Variants in PLEKHH2 observed in about 807,000 individuals in gnomAD.
The protein encoded by PLEKHH2 is pleckstrin homology domain-containing family H member 2.
In PLEKHH2, 129 loss-of-function variants were observed where a neutral mutation model predicts 187.9. That is an observed-to-expected ratio of 0.69 (90% CI 0.59 to 0.79). The LOEUF (loss-of-function observed/expected upper bound fraction) is 0.79. Ranked by LOEUF, PLEKHH2 falls within the 30% of genes least tolerant of loss-of-function variation. The pLI is 0.00. For missense variants in PLEKHH2, 2,076 were observed against 1,751.2 expected, an observed-to-expected ratio of 1.19 and a Z score of -3.31; for synonymous variants, 686 against 605.6, an observed-to-expected ratio of 1.13 and a Z score of -1.95.
At chr2:43,687,797 TTTAA>T (rs1237531772) in intron 3 of PLEKHH2, among the ~76,000 whole-genome samples, 1 of 152,170 alleles carries the variant, frequency 6.6e-6, no homozygotes. Context: ...TTTTGTTTTA[TTTAA>T]TTATTTTTTT....
intron 2 of PLEKHH2, among the ~76,000 whole-genome samples, chr2:43,645,211 TGAC>T (rs1666127850): frequency 6.6e-6 from 1 of 152,184 alleles, no homozygotes; most frequent in South Asian, 2.1e-4. Flanking sequence ...GAATCTGTGT[TGAC>T]TAAGTATATA....
chr2:43,692,943 T>G (rs191901127), intron 4 of PLEKHH2, among the ~76,000 whole-genome samples: 296 of 152,312 alleles, frequency 1.9e-3, no homozygotes, highest in Admixed American at 7.3e-3. Context: ...AGACAGAGTC[T>G]TGCTCTGTCA....
Position 43,698,704 on chromosome 2 carries a change from G to C in PLEKHH2, c.689-943G>C, listed in dbSNP as rs116714637. Among the ~76,000 whole-genome samples, 638 of 152,170 alleles carry C rather than the reference G, an allele frequency of 4.2e-3. 4 individuals carry two copies. The highest frequency in any genetic ancestry group is 0.015 in the African/African-American group (617 of 41,508). The stretch of plus-strand genomic sequence containing the variant: ...CCGAATTTTAGAGTTTATTTGTTCA[G>C]CCTCTAGTTCCTTAATTATGAAGGT... On this transcript the variant is annotated intron_variant, in intron 7 of 29. Transcript: ENST00000282406.
chr2:43,710,363 A>G (rs765948031), intron 13 of PLEKHH2, 33 bp downstream of exon 13: 4 of 1,601,376 alleles, frequency 2.5e-6, no homozygotes, highest in African/African-American at 2.7e-5. Context: ...TTAGAACGTA[A>G]TTCCTCAAAC....
Position 43,765,524 on chromosome 2 carries a change from C to T in PLEKHH2, c.4408C>T (p.Pro1470Ser). 1 of 1,614,032 alleles carries T rather than the reference C, an allele frequency of 6.2e-7. No individual in the cohort carries two copies. Among genetic ancestry groups the T allele is most frequent in the Non-Finnish European group, 8.5e-7 (1 of 1,180,004 alleles). ...PALLSAQTRG[P>S]QARMMGSQPL... is the part of the protein sequence containing the mutation. ...ACTGCTCTCAGCCCAGACCCGGGGA[C>T]CCCAAGCCAGAATGATGGGAAGCCA... The change falls in exon 30 of 30, where the codon CCC becomes TCC. Residue 1470 changes from proline (P) to serine (S), a missense_variant. By Grantham distance (74) the Pro-to-Ser change is moderately conservative (BLOSUM62 -1). Transcript: ENST00000282406.
intron 3 of PLEKHH2, among the ~76,000 whole-genome samples, chr2:43,690,185 C>G (rs1403762010): frequency 6.6e-6 from 1 of 152,204 alleles, no homozygotes; most frequent in East Asian, 1.9e-4. Flanking sequence ...GCTGTCTGTC[C>G]TGCTTGGGCA....
In PLEKHH2 at chr2:43,709,987, T is replaced by C. The variant is rs1306516892; in HGVS notation, c.1967-3T>C. ...GACTTGATTTCTTTCTTTGTTCTCT[T>C]AGGTGTGTCTCTCTCCTCTGTGGCT... is the stretch of plus-strand genomic sequence containing the variant. On this transcript the variant is annotated splice_region_variant and splice_polypyrimidine_tract_variant and intron_variant, in intron 11 of 29. Coordinates refer to ENST00000282406, the MANE Select transcript of PLEKHH2 (RefSeq NM_172069.4). 3.1e-6 allele frequency: 5 copies of C among 1,603,138 alleles called. No individual in the cohort carries two copies. Among genetic ancestry groups the C allele is most frequent in the Admixed American group, 3.5e-5 (2 of 56,574 alleles).
intron 9 of PLEKHH2, among the ~76,000 whole-genome samples, chr2:43,705,976 T>C (rs1669637240): frequency 6.6e-6 from 1 of 152,226 alleles, no homozygotes. Context: ...TCCTATGTAC[T>C]GCTTACTGAA....
chr2:43,655,869 C>G (rs1666732345), intron 2 of PLEKHH2, among the ~76,000 whole-genome samples: 1 of 152,156 alleles, frequency 6.6e-6, no homozygotes, highest in Non-Finnish European at 1.5e-5. Context: ...AAAAAATACA[C>G]ATTCTTTGTT....
At chr2:43,669,335 G>T (rs1370514082) in intron 2 of PLEKHH2, among the ~76,000 whole-genome samples, 1 of 152,188 alleles carries the variant, frequency 6.6e-6, no homozygotes, top group African/African-American at 2.4e-5. Flanking sequence ...CTGCCAATGG[G>T]TACAGGGTTT....
rs1672677258 is a variant in PLEKHH2, at chr2:43,767,940, C to T, written c.*2342C>T. 2 of 152,650 alleles carry T rather than the reference C, an allele frequency of 1.3e-5. No homozygotes were observed. The highest frequency in any genetic ancestry group is 2.9e-5 in the Non-Finnish European group (2 of 68,026). 9.5% of individuals were successfully genotyped at this position (152,650 alleles called of 1,614,324 possible). A position where few individuals can be genotyped will look rare whatever the true frequency, so the allele number is the denominator to read the frequency against. ...CATGTTTAATTGTAATATTTGTCTCCTATCATTTTCTTCCCTTTCAGTCAT... is the reference window on the plus strand; with the variant it reads ...CATGTTTAATTGTAATATTTGTCTCTTATCATTTTCTTCCCTTTCAGTCAT... On this transcript the variant is annotated 3_prime_UTR_variant, in exon 30 of 30. Transcript: ENST00000282406.
intron 6 of PLEKHH2, 97 bp from the exon 7 acceptor site, chr2:43,697,074 A>G: frequency 9.9e-7 from 1 of 1,007,004 alleles, no homozygotes. Context: ...TTTCTGGCAT[A>G]AAGAGTGATT....
chr2:43,741,761 C>A (rs1339477120), intron 21 of PLEKHH2, among the ~76,000 whole-genome samples: 24 of 152,188 alleles, frequency 1.6e-4, no homozygotes, highest in Admixed American at 1.6e-3. Flanking sequence ...GTTGCAGTCA[C>A]TGAGGAGCCC....
intron 1 of PLEKHH2, among the ~76,000 whole-genome samples, chr2:43,640,635 C>G (rs532387390): frequency 3.3e-5 from 5 of 152,278 alleles, no homozygotes; most frequent in African/African-American, 9.6e-5. Context: ...TTAGAACATC[C>G]TATTTGATGT....
chr2:43,678,303 G>A (rs889370681), intron 2 of PLEKHH2, among the ~76,000 whole-genome samples: 41 of 152,050 alleles, frequency 2.7e-4, no homozygotes, highest in African/African-American at 5.3e-4. Context: ...CTTCCCAGAC[G>A]GGGTGGCGGC....
At chr2:43,684,877 C>G (rs72870496) in intron 3 of PLEKHH2, among the ~76,000 whole-genome samples, 1,569 of 150,330 alleles carry the variant, frequency 0.01, 34 homozygotes, top group African/African-American at 0.037. Context: ...CATGTGTTAG[C>G]AAAACCTGTA....
At chr2:43,763,424 A>T (rs929225934) in intron 28 of PLEKHH2, among the ~76,000 whole-genome samples, 2 of 148,124 alleles carry the variant, frequency 1.4e-5, no homozygotes, top group Non-Finnish European at 3.0e-5. Context: ...TTATTGATTT[A>T]TTGATTTTTT....
chr2:43,714,207 G>C (rs532491310), intron 15 of PLEKHH2, among the ~76,000 whole-genome samples: 22 of 152,240 alleles, frequency 1.4e-4, no homozygotes, highest in Middle Eastern at 3.4e-3. Context: ...CCACAATTAG[G>C]ATTTTGTTTG....
At chr2:43,714,979 G>A (rs750581020) in intron 15 of PLEKHH2, among the ~76,000 whole-genome samples, 16 of 152,086 alleles carry the variant, frequency 1.1e-4, no homozygotes, top group African/African-American at 3.1e-4. Context: ...AGGAGACAGC[G>A]CGAATGAAGG....
Sources: allele counts gnomAD v4.1 joint callset (sites outside exome capture counted in the v4.1 genomes callset), GRCh38; gene constraint gnomAD v4.1.1; transcripts MANE v1.5; gene names NCBI Gene and HGNC (gene_info 2026-07-23, HGNC 2026-07-21).